Variants in NRXN1 observed in about 807,000 individuals in gnomAD.
NRXN1 encodes neurexin 1, also known as neurexin-1.
A neutral mutation model predicts 150.9 loss-of-function variants in NRXN1; 39 were observed. That is an observed-to-expected ratio of 0.26 (90% CI 0.20 to 0.34). The LOEUF is 0.34. NRXN1 is among the 10% of genes least tolerant of loss of function. The probability of loss-of-function intolerance (pLI) is 1.00; values close to 1 mark genes in which losing one functional copy is unlikely to be tolerated. For missense variants in NRXN1, 1,815 were observed against 1,949.9 expected, an observed-to-expected ratio of 0.93 and a Z score of 1.30; for synonymous variants, 924 against 757.0, an observed-to-expected ratio of 1.22 and a Z score of -3.62.
rs574486444 is a variant in NRXN1 at position 50,854,973 on chromosome 2, T to C, written c.832+66896A>G. Among the ~76,000 whole-genome samples the C allele has an allele frequency of 3.6e-4, 55 of 152,060 alleles. No individual in the cohort carries two copies. The South Asian group carries it at 8.7e-3, about 24-fold the overall frequency. ...ATTACAGGGTCCTCACTCCAGATAT[T>C]TGAATTATGTGCAGGGCCTGAAAAC... On this transcript the variant is annotated intron_variant, in intron 5 of 22. Transcript: ENST00000401669.
intron 5 of NRXN1, among the ~76,000 whole-genome samples, chr2:50,810,231 T>C (rs1364858191): frequency 2.6e-5 from 4 of 152,190 alleles, no homozygotes; most frequent in African/African-American, 9.6e-5. Context: ...GTTGCTTTGA[T>C]TGTTACTCTC....
rs1233515847 is a variant in NRXN1, at chr2:50,828,416, C to T, written c.832+93453G>A. ...ACGGGGTGGCTGCCGGGCGGAGGGG[C>T]TCCTCACTTCTCAGACGGGGCGGCT... On this transcript the variant is annotated intron_variant, in intron 5 of 22. Coordinates refer to ENST00000401669, the MANE Select transcript of NRXN1 (RefSeq NM_001330078.2). 2.9e-3 allele frequency among the ~76,000 whole-genome samples: 439 copies of T among 151,516 alleles called. 3 individuals carry two copies. Among genetic ancestry groups the T allele is most frequent in the Non-Finnish European group, 1.4e-3 (96 of 67,748 alleles).
intron 5 of NRXN1, among the ~76,000 whole-genome samples, chr2:50,684,473 G>T (rs1690931903): frequency 6.6e-6 from 1 of 152,144 alleles, no homozygotes; most frequent in Non-Finnish European, 1.5e-5. Context: ...CTACACTGCA[G>T]CCTGGGTGAC....
At chr2:50,168,664 G>A (rs969579136) in intron 18 of NRXN1, among the ~76,000 whole-genome samples, 1 of 152,120 alleles carries the variant, frequency 6.6e-6, no homozygotes, top group African/African-American at 2.4e-5. Flanking sequence ...CAGGTTGACC[G>A]AATAATAGAA....
At chr2:50,997,510 T>A (rs1415916517) in intron 2 of NRXN1, among the ~76,000 whole-genome samples, 1 of 141,952 alleles carries the variant, frequency 7.0e-6, no homozygotes, top group Non-Finnish European at 1.5e-5. Context: ...GAAAACATTT[T>A]ATTTTATTTA....
chr2:50,046,282 C>T (rs1420212356), intron 21 of NRXN1, among the ~76,000 whole-genome samples: 4 of 152,190 alleles, frequency 2.6e-5, no homozygotes, highest in Non-Finnish European at 4.4e-5. Flanking sequence ...ATTACCTGCC[C>T]TCCACTGCCG....
intron 21 of NRXN1, chr2:50,016,573 A>T (rs1353725678): frequency 1.3e-5 from 2 of 152,170 alleles, no homozygotes; most frequent in Admixed American, 1.3e-4. Flanking sequence ...CCTTCTTAAC[A>T]TGGCCGCAGA....
intron 5 of NRXN1, among the ~76,000 whole-genome samples, chr2:50,833,012 T>C (rs1252295568): frequency 6.6e-6 from 1 of 152,062 alleles, no homozygotes; most frequent in Admixed American, 6.5e-5. Flanking sequence ...GACAAAATAA[T>C]TAAACAGACA....
At chr2:50,673,775 T>C (rs1173083660) in intron 5 of NRXN1, among the ~76,000 whole-genome samples, 1 of 152,096 alleles carries the variant, frequency 6.6e-6, no homozygotes, top group Non-Finnish European at 1.5e-5. Context: ...CAGGGTCTAT[T>C]TTACTTAGTA....
rs994891075 is a variant in NRXN1, at chr2:50,144,015, C to T, written c.3547-52521G>A. ...ATGGTTTTCCAAAGTAAAACACTGG[C>T]CTGTGAAAGCTACTGAAATAATCTT... On this transcript the variant is annotated intron_variant, in intron 18 of 22. Transcript: ENST00000401669. 4.6e-5 allele frequency among the ~76,000 whole-genome samples: 7 copies of T among 151,940 alleles called. No homozygotes were observed. In the South Asian group the frequency reaches 6.2e-4, roughly 14 times the overall value.
In NRXN1 at chr2:50,227,162, GAA is replaced by G. The variant is rs5831101; in HGVS notation, c.3546+9625_3546+9626del. 3.1e-3 allele frequency among the ~76,000 whole-genome samples: 449 copies of G among 143,572 alleles called. 2 individuals are homozygous for G. The highest frequency in any genetic ancestry group is 8.6e-3 in the African/African-American group (338 of 39,092). The allele number at this position is 143,572 out of a possible 152,430, so 94.2% of individuals were successfully genotyped here. On this transcript the variant is annotated intron_variant, in intron 18 of 22. Transcript: ENST00000401669. ...AAAATGCAAGAGTACACAAAGACGG[GAA>G]AAAAAAAAAAAAGGAAGTTTGTTGT...
At chr2:50,825,149 T>C (rs1670277813) in intron 5 of NRXN1, among the ~76,000 whole-genome samples, 1 of 152,214 alleles carries the variant, frequency 6.6e-6, no homozygotes, top group Non-Finnish European at 1.5e-5. Context: ...GCACAGTTCA[T>C]GGGCTTGAAT....
intron 2 of NRXN1, among the ~76,000 whole-genome samples, chr2:50,968,905 C>G (rs185824359): frequency 6.6e-6 from 1 of 152,004 alleles, no homozygotes; most frequent in African/African-American, 2.4e-5. Context: ...TAGAGCTTGC[C>G]GATAAATTTC....
At chr2:50,609,668 CT>C (rs1649415263) in intron 8 of NRXN1, among the ~76,000 whole-genome samples, 1 of 151,928 alleles carries the variant, frequency 6.6e-6, no homozygotes, top group Non-Finnish European at 1.5e-5. Flanking sequence ...TTCATCTTAA[CT>C]AATTTAATGC....
rs201227896 is a variant in NRXN1, at chr2:51,028,906, C to T, written c.-633G>A. 1.3e-5 allele frequency: 2 copies of T among 152,234 alleles called. No homozygotes were observed. Among genetic ancestry groups the T allele is most frequent in the South Asian group, 4.1e-4 (2 of 4,834 alleles). The allele number at this position is 152,234 out of a possible 1,614,324, so 9.4% of individuals were successfully genotyped here. ...CTTAACCCGAGGATAGCTTCAAAGG[C>T]CTGCTTCTTCTGTCATAGCATGGGC... On this transcript the variant is annotated 5_prime_UTR_variant, in exon 2 of 23. Transcript: ENST00000401669.
chr2:50,397,059 C>T (rs2082098419), intron 17 of NRXN1, among the ~76,000 whole-genome samples: 1 of 152,084 alleles, frequency 6.6e-6, no homozygotes, highest in Admixed American at 6.6e-5. Context: ...CTCAGGTCTT[C>T]AGGTGACCCT....
intron 17 of NRXN1, among the ~76,000 whole-genome samples, chr2:50,359,222 T>C (rs1253307199): frequency 2.6e-5 from 4 of 151,864 alleles, no homozygotes; most frequent in Non-Finnish European, 5.9e-5. Flanking sequence ...CACAGCCCCC[T>C]GCAAGCAAGG....
At chr2:50,894,242 T>TAAATA (rs550304359) in intron 5 of NRXN1, among the ~76,000 whole-genome samples, 11 of 142,376 alleles carry the variant, frequency 7.7e-5, no homozygotes, top group African/African-American at 2.8e-4. Flanking sequence ...AGTATAATAA[T>TAAATA]AATAAATAAA....
At chr2:50,416,466 C>G (rs923024420) in intron 17 of NRXN1, among the ~76,000 whole-genome samples, 1 of 152,014 alleles carries the variant, frequency 6.6e-6, no homozygotes, top group African/African-American at 2.4e-5. Context: ...TTTCACTCAC[C>G]ATAAAATTAA....
Sources: gnomAD v4.1 joint callset for allele counts (sites outside exome capture counted in the v4.1 genomes callset) on GRCh38, gnomAD v4.1.1 for gene constraint, MANE v1.5 for transcripts, NCBI Gene and HGNC (gene_info 2026-07-23, HGNC 2026-07-21) for gene names.